PCM1: variants seen among roughly 807,000 people sequenced by gnomAD.
The protein encoded by PCM1 is pericentriolar material 1 protein.
A neutral mutation model predicts 241.9 loss-of-function variants in PCM1; 157 were observed. That is an observed-to-expected ratio of 0.65 (90% CI 0.57 to 0.74). PCM1 has a LOEUF of 0.74. Ranked by LOEUF, PCM1 falls within the 30% of genes least tolerant of loss-of-function variation. The pLI is 0.00. For missense variants in PCM1, 3,478 were observed against 2,360.1 expected (o/e 1.47, Z -9.81); for synonymous variants, 1,085 against 784.9 (o/e 1.38, Z -6.39).
At chr8:17,967,995 C>T (rs1364141553) in intron 21 of PCM1, among the ~76,000 whole-genome samples, 3 of 151,552 alleles carry the variant, frequency 2.0e-5, no homozygotes, top group Non-Finnish European at 4.4e-5. Flanking sequence ...TAGTACAGTG[C>T]CACGGGTGCC....
chr8:17,969,473 T>C, intron 21 of PCM1, 104 bp from the exon 22 acceptor site: 1 of 834,684 alleles, frequency 1.2e-6, no homozygotes, highest in Non-Finnish European at 1.9e-6. Context: ...TTTTTTGTTT[T>C]GGTGGATTTG....
At chr8:17,957,811 C>T in intron 13 of PCM1, 36 bp downstream of exon 13, 1 of 1,372,176 alleles carries the variant, frequency 7.3e-7, no homozygotes, top group Non-Finnish European at 1.0e-6. Context: ...ACCTATTTGT[C>T]AAATAGTACA....
intron 36 of PCM1, among the ~76,000 whole-genome samples, chr8:18,018,657 A>G (rs1482121663): frequency 6.6e-6 from 1 of 151,698 alleles, no homozygotes; most frequent in Non-Finnish European, 1.5e-5. Context: ...CTGAAAATAT[A>G]AAAATTAGCT....
Position 17,946,771 on chromosome 8 carries a change from A to G in PCM1, c.784-415A>G, listed in dbSNP as rs879943650. Among the ~76,000 whole-genome samples, 13 of 151,970 alleles carry G rather than the reference A, an allele frequency of 8.6e-5. No homozygotes were observed. In the East Asian group the frequency reaches 2.5e-3, roughly 30 times the overall value. ...GGCCTCCCGAAGTGCTAGGATTACA[A>G]GACTTTCAGGTCATTAACCCAGTAT... On this transcript the variant is annotated intron_variant, in intron 6 of 38. Coordinates refer to ENST00000325083, the MANE Select transcript of PCM1 (RefSeq NM_006197.4).
intron 23 of PCM1, among the ~76,000 whole-genome samples, chr8:17,973,957 A>G (rs1288489738): frequency 6.6e-6 from 1 of 152,186 alleles, no homozygotes; most frequent in Non-Finnish European, 1.5e-5. Context: ...CCACAGATAC[A>G]AGAGAATATT....
chr8:17,952,311 A>C (rs1285766824), intron 8 of PCM1, among the ~76,000 whole-genome samples: 1 of 152,122 alleles, frequency 6.6e-6, no homozygotes, highest in Non-Finnish European at 1.5e-5. Context: ...TAAGAAGTTA[A>C]AGTTTACAGT....
intron 30 of PCM1, among the ~76,000 whole-genome samples, chr8:18,006,615 A>C (rs2091394001): frequency 6.6e-6 from 1 of 152,152 alleles, no homozygotes; most frequent in Non-Finnish European, 1.5e-5. Flanking sequence ...TAATTTGGTC[A>C]TCTCTAAGGC....
At chr8:17,960,548 A>G (rs2071304751) in intron 15 of PCM1, 104 bp downstream of exon 15, 2 of 248,888 alleles carry the variant, frequency 8.0e-6, no homozygotes, top group Non-Finnish European at 1.4e-5. Context: ...TTTTTGAGGC[A>G]GAGTCTCACT....
intron 6 of PCM1, among the ~76,000 whole-genome samples, chr8:17,945,984 C>T (rs989475198): frequency 6.6e-6 from 1 of 151,924 alleles, no homozygotes; most frequent in Non-Finnish European, 1.5e-5. Flanking sequence ...AAAGGTAAAT[C>T]GGTGATGAAA....
chr8:17,979,714 A>T (rs1196770015), intron 23 of PCM1, among the ~76,000 whole-genome samples: 1 of 152,188 alleles, frequency 6.6e-6, no homozygotes, highest in Non-Finnish European at 1.5e-5. Flanking sequence ...ATTATTAAAT[A>T]CCATTTCTCC....
At chr8:17,955,679 C>A in intron 10 of PCM1, 26 bp downstream of exon 10, 1 of 1,536,148 alleles carries the variant, frequency 6.5e-7, no homozygotes, top group Non-Finnish European at 9.0e-7. Context: ...TCATTGTTTA[C>A]ATGAAGTTAA....
At chr8:17,932,851 G>T (rs1050844980) in intron 2 of PCM1, among the ~76,000 whole-genome samples, 18 of 151,970 alleles carry the variant, frequency 1.2e-4, no homozygotes, top group African/African-American at 4.4e-4. Context: ...TATGATATAA[G>T]GCAGCCTTTC....
chr8:17,930,008 A>C (rs368002315), intron 2 of PCM1, among the ~76,000 whole-genome samples: 35 of 152,114 alleles, frequency 2.3e-4, no homozygotes, highest in African/African-American at 8.4e-4. Context: ...TAAGGTGGGG[A>C]CTATAGTCAC....
chr8:17,969,881 C>A (rs1320350765), intron 22 of PCM1, 133 bp downstream of exon 22: 2 of 670,014 alleles, frequency 3.0e-6, no homozygotes, highest in Non-Finnish European at 5.1e-6. Context: ...AAATATGAAA[C>A]TTTGACGTAT....
chr8:17,982,930 C>T (rs887424453), intron 24 of PCM1, among the ~76,000 whole-genome samples: 12 of 152,268 alleles, frequency 7.9e-5, no homozygotes, highest in South Asian at 2.1e-4. Flanking sequence ...TATTAAATTA[C>T]GCAGTCTTCT....
intron 23 of PCM1, among the ~76,000 whole-genome samples, chr8:17,974,341 T>C (rs2077903476): frequency 6.6e-6 from 1 of 152,216 alleles, no homozygotes; most frequent in African/African-American, 2.4e-5. Flanking sequence ...AGATGCTCTT[T>C]GTCATATAAA....
At position 17,995,302 on chromosome 8, in the gene PCM1, A is replaced by G. The variant is rs2086286724; in HGVS notation, c.4827+1683A>G. On this transcript the variant is annotated intron_variant, in intron 29 of 38. Transcript: ENST00000325083. ...GAAGAGACTGTCTTTTCCCCACTGTATGTTCTTGGCACCTTTGTTGAAAAT... is the reference window on the plus strand; with the variant it reads ...GAAGAGACTGTCTTTTCCCCACTGTGTGTTCTTGGCACCTTTGTTGAAAAT... Among the ~76,000 whole-genome samples the G allele has an allele frequency of 4.6e-5, 7 of 151,260 alleles. No homozygotes were observed. The South Asian group carries it at 1.2e-3, about 27-fold the overall frequency.
chr8:18,006,000 G>A (rs1025347182), intron 29 of PCM1: 1 of 332,958 alleles, frequency 3.0e-6, no homozygotes, highest in Non-Finnish European at 5.5e-6. Flanking sequence ...CAGAAAGAAA[G>A]TGCTGAAAAG....
At chr8:17,935,455 GTGGT>G (rs1345492883) in intron 2 of PCM1, 130 bp from the exon 3 acceptor site, 1 of 578,380 alleles carries the variant, frequency 1.7e-6, no homozygotes, top group East Asian at 2.8e-5. Flanking sequence ...TGTCTGTGAT[GTGGT>G]TGACAGTGCC....
Sources: allele counts gnomAD v4.1 joint callset (sites outside exome capture counted in the v4.1 genomes callset), GRCh38; gene constraint gnomAD v4.1.1; transcripts MANE v1.5; gene names NCBI Gene and HGNC (gene_info 2026-07-23, HGNC 2026-07-21).